C12orf56: variants seen among roughly 807,000 people sequenced by gnomAD.
C12orf56 encodes uncharacterized protein C12orf56.
C12orf56 carries 71 observed loss-of-function variants against 69.9 expected under a neutral mutation model. The ratio of observed to expected loss-of-function variants is 1.02; its 90% CI spans 0.84 to 1.24. C12orf56 has a LOEUF of 1.24. Ranked by LOEUF, C12orf56 falls within the 50% of genes most tolerant of loss-of-function variation. The probability of loss-of-function intolerance (pLI) is 0.00; values close to 1 mark genes in which losing one functional copy is unlikely to be tolerated. For synonymous variants in C12orf56, 276 were observed against 274.1 expected, an observed-to-expected ratio of 1.01 and a Z score of -0.07; for missense variants, 732 against 738.5, an observed-to-expected ratio of 0.99 and a Z score of 0.10.
intron 4 of C12orf56, among the ~76,000 whole-genome samples, chr12:64,313,801 T>C (rs1389264194): frequency 1.3e-5 from 2 of 151,736 alleles, no homozygotes; most frequent in Non-Finnish European, 1.5e-5. Context: ...TTCCAGCATT[T>C]TGGGAGGCCA....
chr12:64,349,631 G>T (rs1018992717), intron 2 of C12orf56, among the ~76,000 whole-genome samples: 3 of 152,212 alleles, frequency 2.0e-5, no homozygotes, highest in African/African-American at 7.2e-5. Flanking sequence ...CAATCAATGA[G>T]TGGATAAAGA....
intron 3 of C12orf56, among the ~76,000 whole-genome samples, chr12:64,326,009 A>G (rs1220220106): frequency 6.6e-6 from 1 of 152,162 alleles, no homozygotes; most frequent in Non-Finnish European, 1.5e-5. Context: ...TTCTGCCTCT[A>G]GCCAAGATGG....
At chr12:64,301,834 T>C (rs1337648882) in intron 6 of C12orf56, among the ~76,000 whole-genome samples, 1 of 152,158 alleles carries the variant, frequency 6.6e-6, no homozygotes, top group African/African-American at 2.4e-5. Context: ...TCAGGTAGCA[T>C]TTTTACAGCA....
At chr12:64,360,360 G>A (rs564145758) in intron 1 of C12orf56, among the ~76,000 whole-genome samples, 1 of 152,296 alleles carries the variant, frequency 6.6e-6, no homozygotes, top group East Asian at 1.9e-4. Context: ...GGGAGGTGGA[G>A]GTTGCAGTGA....
chr12:64,347,586 T>C (rs1318190061), intron 2 of C12orf56, among the ~76,000 whole-genome samples: 2 of 152,126 alleles, frequency 1.3e-5, no homozygotes, highest in Non-Finnish European at 2.9e-5. Context: ...CTAACTTCCC[T>C]GTTTTCTAGA....
chr12:64,388,250 T>TTTTG (rs1323948504), intron 1 of C12orf56, among the ~76,000 whole-genome samples: 1 of 148,734 alleles, frequency 6.7e-6, no homozygotes, highest in African/African-American at 2.5e-5. Flanking sequence ...TTTTAAAGTG[T>TTTTG]TTTGTTTGTT....
chr12:64,361,255 G>A (rs1486828929), intron 1 of C12orf56, among the ~76,000 whole-genome samples: 3 of 151,976 alleles, frequency 2.0e-5, no homozygotes, highest in Admixed American at 1.3e-4. Flanking sequence ...TATTGAACCA[G>A]CACTGTATTT....
intron 9 of C12orf56, 27 bp from the exon 10 acceptor site, chr12:64,275,399 A>G (rs747532923): frequency 2.1e-5 from 23 of 1,078,822 alleles, no homozygotes; most frequent in Non-Finnish European, 3.0e-5. Context: ...TAATCAATGC[A>G]ATGTCATAAG....
chr12:64,338,590 C>T, intron 2 of C12orf56: 1 of 1,575,810 alleles, frequency 6.3e-7, no homozygotes, highest in East Asian at 2.2e-5. Context: ...TCTGAATTTT[C>T]TTCTGCTGCT....
intron 3 of C12orf56, among the ~76,000 whole-genome samples, chr12:64,328,161 A>G (rs1414274074): frequency 6.6e-6 from 1 of 152,190 alleles, no homozygotes; most frequent in Non-Finnish European, 1.5e-5. Flanking sequence ...GCAACACAGC[A>G]TGGGCCACCA....
chr12:64,267,978 A>C (rs766872087), intron 12 of C12orf56, among the ~76,000 whole-genome samples: 10 of 152,176 alleles, frequency 6.6e-5, no homozygotes, highest in Non-Finnish European at 1.2e-4. Context: ...CATTATACTT[A>C]ATGGTTGAGC....
At chr12:64,273,550 G>A (rs2038016288) in intron 11 of C12orf56, among the ~76,000 whole-genome samples, 1 of 152,174 alleles carries the variant, frequency 6.6e-6, no homozygotes, top group Non-Finnish European at 1.5e-5. Flanking sequence ...CAGTCTGTTG[G>A]AAGAGAAAGA....
intron 9 of C12orf56, among the ~76,000 whole-genome samples, chr12:64,276,993 T>TAAAAAAAAAAAAAAAAAAAAAAAAAAAAA (rs200351319): frequency 1.4e-5 from 1 of 69,220 alleles, no homozygotes; most frequent in African/African-American, 5.7e-5. Flanking sequence ...AACCCTTTCT[T>TAAAAAAAAAAAAAAAAAAAAAAAAAAAAA]AAAAAAAAAA....
intron 3 of C12orf56, among the ~76,000 whole-genome samples, chr12:64,323,782 A>T (rs2038802987): frequency 6.6e-6 from 1 of 152,170 alleles, no homozygotes. Context: ...AAGTGCTGGT[A>T]TTACAGGCGT....
chr12:64,286,848 C>G (rs1173483413), intron 6 of C12orf56, among the ~76,000 whole-genome samples: 2 of 151,996 alleles, frequency 1.3e-5, no homozygotes, highest in Non-Finnish European at 2.9e-5. Flanking sequence ...TGAGAAGAGG[C>G]TGGGAATGCC....
chr12:64,352,688 C>A (rs1331339955), intron 2 of C12orf56, among the ~76,000 whole-genome samples: 1 of 152,174 alleles, frequency 6.6e-6, no homozygotes. Flanking sequence ...TGGCCAGACC[C>A]CTTTTTTTCA....
intron 5 of C12orf56, among the ~76,000 whole-genome samples, chr12:64,306,837 C>G (rs1308630177): frequency 6.6e-6 from 1 of 152,144 alleles, no homozygotes; most frequent in African/African-American, 2.4e-5. Context: ...GCTTGCAGAA[C>G]CATCCCATCT....
intron 1 of C12orf56, among the ~76,000 whole-genome samples, 177 bp from the exon 2 acceptor site, chr12:64,353,233 T>C (rs1592480258): frequency 6.6e-6 from 1 of 152,036 alleles, no homozygotes; most frequent in South Asian, 2.1e-4. Context: ...TCTCAACTCA[T>C]TGCAACCTCC....
chr12:64,319,755 TAAAG>T (rs1403232077), intron 3 of C12orf56, among the ~76,000 whole-genome samples: 1 of 151,836 alleles, frequency 6.6e-6, no homozygotes, highest in Non-Finnish European at 1.5e-5. Flanking sequence ...AAACAGGAGG[TAAAG>T]AAATAGCCAG....
Sources: allele counts gnomAD v4.1 joint callset (sites outside exome capture counted in the v4.1 genomes callset), GRCh38; gene constraint gnomAD v4.1.1; transcripts MANE v1.5; gene names NCBI Gene and HGNC (gene_info 2026-07-23, HGNC 2026-07-21).